PHC2: variants seen among roughly 807,000 people sequenced by gnomAD.
The protein encoded by PHC2 is polyhomeotic homolog 2.
PHC2 carries 29 observed loss-of-function variants against 87.4 expected under a neutral mutation model. The ratio of observed to expected loss-of-function variants is 0.33; its 90% confidence interval spans 0.25 to 0.45. The LOEUF is 0.45. PHC2 is among the 20% of genes least tolerant of loss of function. PHC2 has a pLI of 1.00. For synonymous variants in PHC2, 438 were observed against 461.7 expected, an observed-to-expected ratio of 0.95 and a Z score of 0.66; for missense variants, 857 against 1,136.7, an observed-to-expected ratio of 0.75 and a Z score of 3.54.
At chr1:33,330,013 T>C in intron 13 of PHC2, 58 bp downstream of exon 13, 2 of 1,591,036 alleles carry the variant, frequency 1.3e-6, no homozygotes, top group African/African-American at 1.3e-5. Context: ...TCGAGGGCCA[T>C]GGAAGGGAAG....
intron 9 of PHC2, among the ~76,000 whole-genome samples, chr1:33,353,026 C>T (rs542028489): frequency 2.2e-4 from 34 of 152,156 alleles, no homozygotes; most frequent in Admixed American, 1.7e-3. Context: ...GGGAACAGCC[C>T]TGCCCCTGAA....
intron 9 of PHC2, chr1:33,345,703 T>C (rs1220452701): frequency 1.1e-5 from 11 of 984,826 alleles, no homozygotes; most frequent in African/African-American, 1.7e-5. Context: ...TACTGGACTT[T>C]TGTTACTGAT....
rs898059435 is a variant in PHC2, at chr1:33,331,921, G to C, written c.1891+354C>G. Among the ~76,000 whole-genome samples, 1 of 152,242 alleles carries C rather than the reference G, an allele frequency of 6.6e-6. No homozygotes were observed. The highest frequency in any genetic ancestry group is 1.5e-5 in the Non-Finnish European group (1 of 68,036). On this transcript the variant is annotated intron_variant, in intron 11 of 14. Transcript: ENST00000683057. The surrounding 1 kb of genome is among the most constrained non-coding windows in gnomAD (Gnocchi z 5.2). ...TCATGTGGAAAGAGCAGCCTTGCCT[G>C]GTCTCTGCTGTGACCTAGAGCTGGC... is the stretch of plus-strand genomic sequence containing the variant.
chr1:33,331,723 A>G lies in PHC2; in HGVS notation c.1892-261T>C. The G allele has an allele frequency of 2.5e-6, 1 of 404,568 alleles. No individual in the cohort carries two copies. Among genetic ancestry groups the G allele is most frequent in the Non-Finnish European group, 4.4e-6 (1 of 226,006 alleles). 25.1% of individuals were successfully genotyped at this position (404,568 alleles called of 1,614,324 possible). ...GTCTGAGGCAAAACACAGGTGGGGAAGAATCAGCATCAAATGACTGTGGAA... is the reference window on the plus strand; with the variant it reads ...GTCTGAGGCAAAACACAGGTGGGGAGGAATCAGCATCAAATGACTGTGGAA... On this transcript the variant is annotated intron_variant, in intron 11 of 14. Transcript: ENST00000683057. The surrounding 1 kb of genome is among the most constrained non-coding windows in gnomAD (Gnocchi z 5.2).
chr1:33,425,467 T>C (rs1650630433), intron 1 of PHC2, among the ~76,000 whole-genome samples: 1 of 152,160 alleles, frequency 6.6e-6, no homozygotes, highest in African/African-American at 2.4e-5. Context: ...AGAAATAGTT[T>C]TAGGAACTGA....
chr1:33,381,114 T>C (rs1362144159), intron 1 of PHC2, among the ~76,000 whole-genome samples: 2 of 152,174 alleles, frequency 1.3e-5, no homozygotes, highest in Admixed American at 6.5e-5. Flanking sequence ...TCTTCTCCTC[T>C]TGCTTCCTTC....
chr1:33,339,456 C>A (rs1646701797), intron 9 of PHC2, among the ~76,000 whole-genome samples: 1 of 152,048 alleles, frequency 6.6e-6, no homozygotes, highest in Non-Finnish European at 1.5e-5. Flanking sequence ...TATTTTTTGG[C>A]CCATGTCTTC....
At chr1:33,409,750 A>G (rs966485602) in intron 1 of PHC2, among the ~76,000 whole-genome samples, 1 of 152,190 alleles carries the variant, frequency 6.6e-6, no homozygotes, top group Non-Finnish European at 1.5e-5. Context: ...AGTAACATTC[A>G]TCCATCATTG....
intron 1 of PHC2, among the ~76,000 whole-genome samples, chr1:33,391,773 A>G (rs1034876610): frequency 2.0e-5 from 3 of 152,188 alleles, no homozygotes; most frequent in Admixed American, 6.5e-5. Flanking sequence ...GACAAGCCAG[A>G]GAGAGTACAC....
chr1:33,370,394 G>C (rs2148324582), intron 5 of PHC2, 27 bp downstream of exon 5: 1 of 1,590,726 alleles, frequency 6.3e-7, no homozygotes, highest in Middle Eastern at 1.7e-4. Context: ...GTGCCTCTGA[G>C]CCATGGCCCT....
intron 6 of PHC2, among the ~76,000 whole-genome samples, chr1:33,367,941 G>A (rs1647579177): frequency 6.6e-6 from 1 of 152,188 alleles, no homozygotes; most frequent in African/African-American, 2.4e-5. Flanking sequence ...CCCGGTCCCT[G>A]GCGCCCTCTG....
At chr1:33,359,054 G>A (rs886777857) in intron 7 of PHC2, 1 of 152,212 alleles carries the variant, frequency 6.6e-6, no homozygotes, top group Admixed American at 6.5e-5. Context: ...GTACCTCTAT[G>A]TCATCATCTT....
At chr1:33,410,440 A>C (rs1329720958) in intron 1 of PHC2, among the ~76,000 whole-genome samples, 2 of 152,256 alleles carry the variant, frequency 1.3e-5, no homozygotes. Flanking sequence ...GAAGCTGAAA[A>C]GGCCAATCCT....
intron 6 of PHC2, 67 bp from the exon 7 acceptor site, chr1:33,367,495 G>A: frequency 8.1e-7 from 1 of 1,235,304 alleles, no homozygotes; most frequent in South Asian, 1.5e-5. Context: ...ACAACTAAGA[G>A]GGAGAGAGGG....
Position 33,334,207 on chromosome 1 carries a change from G to A in PHC2, c.1644C>T (p.Ile548=), listed in dbSNP as rs755376844. 65 of 1,612,934 alleles carry A rather than the reference G, an allele frequency of 4.0e-5. No individual in the cohort carries two copies. Among genetic ancestry groups the A allele is most frequent in the Non-Finnish European group, 5.2e-5 (61 of 1,179,706 alleles). Residue 548 remains isoleucine, a synonymous_variant, in exon 10 of 15, where the codon ATC becomes ATT. Transcript: ENST00000683057. The surrounding 1 kb of genome is among the most constrained non-coding windows in gnomAD (Gnocchi z 5.5). ...CACCATTCTGGGGGGCAGTGCCGGC[G>A]ATGCTGGAGGCAGAGTTTCCGTTCC... ...TSGNGNSASS[I]AGTAPQNGEN...
chr1:33,388,697 C>T (rs751303085), intron 1 of PHC2, among the ~76,000 whole-genome samples: 20 of 152,146 alleles, frequency 1.3e-4, no homozygotes, highest in Non-Finnish European at 2.8e-4. Flanking sequence ...AGAAAGAAAA[C>T]ACCCAGCACC....
Position 33,375,440 on chromosome 1 carries a change from T to C in PHC2, c.100A>G (p.Ser34Gly). 6.2e-7 allele frequency: 1 copy of C among 1,612,604 alleles called. No homozygotes were observed. Among genetic ancestry groups the C allele is most frequent in the Non-Finnish European group, 8.5e-7 (1 of 1,179,434 alleles). The part of the protein sequence containing the change: ...SSSSGCNNSS[S>G]GGSGRPTGPQ... ...CCGGTGGGGCGGCCACTTCCACCAC[T>C]GCTGCTGTTGTTGCAGCCACTGCTG... Residue 34 changes from serine to glycine, a missense_variant, in exon 2 of 15, where the codon AGT becomes GGT. Ser to Gly is a moderately conservative substitution (Grantham distance 56, BLOSUM62 0). Coordinates refer to ENST00000683057, the MANE Select transcript of PHC2 (RefSeq NM_001385109.1).
intron 9 of PHC2, among the ~76,000 whole-genome samples, chr1:33,336,246 C>G (rs1376517724): frequency 6.6e-6 from 1 of 152,068 alleles, no homozygotes; most frequent in African/African-American, 2.4e-5. Flanking sequence ...GCCTCAGCCT[C>G]GCAAAGTGCT....
intron 1 of PHC2, among the ~76,000 whole-genome samples, chr1:33,376,346 G>A (rs1283818174): frequency 6.6e-6 from 1 of 152,202 alleles, no homozygotes; most frequent in Non-Finnish European, 1.5e-5. Context: ...CTTGGGAACT[G>A]AGGTCTTAAG....
Sources: gnomAD v4.1 joint callset for allele counts (sites outside exome capture counted in the v4.1 genomes callset) on GRCh38, gnomAD v4.1.1 for gene constraint, Gnocchi (gnomAD v3.1) non-coding constraint, MANE v1.5 for transcripts, NCBI Gene and HGNC (gene_info 2026-07-23, HGNC 2026-07-21) for gene names.